Variants in CFAP46 observed in about 807,000 individuals in gnomAD.
CFAP46 encodes cilia and flagella associated protein 46.
Under a neutral mutation model 325.7 loss-of-function variants are expected in CFAP46, and 245 were observed. The observed-to-expected ratio is 0.75, with a 90% CI of 0.68 to 0.84. CFAP46 has a LOEUF of 0.84. Ranked by LOEUF, CFAP46 falls within the 40% of genes least tolerant of loss-of-function variation. The probability of loss-of-function intolerance (pLI) is 0.00; values close to 1 mark genes in which losing one functional copy is unlikely to be tolerated. For missense variants in CFAP46, 3,346 were observed against 3,543.0 expected (o/e 0.94, Z 1.41); for synonymous variants, 1,523 against 1,495.9 (o/e 1.02, Z -0.42).
At chr10:132,895,854 C>T (rs1419568154) in intron 24 of CFAP46, among the ~76,000 whole-genome samples, 3 of 152,298 alleles carry the variant, frequency 2.0e-5, no homozygotes, top group Middle Eastern at 3.4e-3. Context: ...GAAGTTGGTG[C>T]ACTTTAAGAA....
chr10:132,876,761 G>A lies in CFAP46; in HGVS notation c.4362+51C>T. The stretch of plus-strand genomic sequence containing the variant: ...AACTGGACTTGGGGACAGGTCAAGG[G>A]GACACCATGCTGTGACCAAGGTCTT... On this transcript the variant is annotated intron_variant, in intron 31 of 57. Transcript: ENST00000368586. The surrounding 1 kb of genome is among the most constrained non-coding windows in gnomAD (Gnocchi z 4.1). 6.6e-7 allele frequency: 1 copy of A among 1,519,344 alleles called. No homozygotes were observed. Among genetic ancestry groups the A allele is most frequent in the Non-Finnish European group, 8.8e-7 (1 of 1,130,934 alleles). The allele number at this position is 1,519,344 out of a possible 1,614,324, so 94.1% of individuals were successfully genotyped here.
chr10:132,918,620 C>T (rs1003372328), intron 15 of CFAP46, 100 bp from the exon 16 acceptor site: 2 of 1,411,350 alleles, frequency 1.4e-6, no homozygotes, highest in South Asian at 1.5e-5. Flanking sequence ...AGCCTCTCCC[C>T]AGCTCCGTGT....
chr10:132,824,486 CGCTGTGT>C (rs1205091639), intron 50 of CFAP46, among the ~76,000 whole-genome samples: 35 of 66,404 alleles, frequency 5.3e-4, no homozygotes, highest in African/African-American at 7.1e-4. Flanking sequence ...GTGCTGTGTG[CGCTGTGT>C]GCTGTGTGCT....
At chr10:132,844,360 G>A (rs998015315) in intron 44 of CFAP46, among the ~76,000 whole-genome samples, 4 of 152,194 alleles carry the variant, frequency 2.6e-5, no homozygotes, top group Admixed American at 1.3e-4. Context: ...GATGGACGGT[G>A]AGGGTTGACT....
At chr10:132,912,500 T>TCTCTCTCCTCTCCTCTCTCTCTTCAC (rs1849562658) in intron 19 of CFAP46, among the ~76,000 whole-genome samples, 155 bp downstream of exon 19, 2 of 73,338 alleles carry the variant, frequency 2.7e-5, no homozygotes, top group Non-Finnish European at 5.8e-5. Flanking sequence ...CTCTTTCACC[T>TCTCTCTCCTCTCCTCTCTCTCTTCAC]CTCTCTCCTC....
chr10:132,870,711 G>T (rs922346588), intron 32 of CFAP46, among the ~76,000 whole-genome samples: 8 of 152,202 alleles, frequency 5.3e-5, no homozygotes, highest in Non-Finnish European at 8.8e-5. Flanking sequence ...AGTTTGAAGC[G>T]GCAGAGGTGG....
At position 132,941,205 on chromosome 10, in the gene CFAP46, C is replaced by T. The variant is rs529517503; in HGVS notation, c.307-145G>A. 613 of 826,316 alleles carry T rather than the reference C, an allele frequency of 7.4e-4. 3 individuals carry two copies. The highest frequency in any genetic ancestry group is 8.3e-4 in the Non-Finnish European group (415 of 502,212). 51.2% of individuals were successfully genotyped at this position (826,316 alleles called of 1,614,324 possible). A position where few individuals can be genotyped will look rare whatever the true frequency, so the allele number is the denominator to read the frequency against. ...TCCACAGGTGACGGTGTGGCAGACA[C>T]AGCCTGAGTGTCGTGGCGAGGTCCT... On this transcript the variant is annotated intron_variant, in intron 3 of 57. Transcript: ENST00000368586.
intron 40 of CFAP46, among the ~76,000 whole-genome samples, chr10:132,850,773 C>CT (rs112935652): frequency 5.9e-4 from 88 of 149,872 alleles, no homozygotes; most frequent in African/African-American, 1.7e-3. Context: ...ACATATTCAA[C>CT]TTTTTTTTTT....
intron 5 of CFAP46, 73 bp downstream of exon 5, chr10:132,938,516 G>A: frequency 2.1e-5 from 30 of 1,442,780 alleles, no homozygotes; most frequent in Non-Finnish European, 2.9e-5. Context: ...CCCCCCCGGA[G>A]AAGGGGTGGT....
intron 19 of CFAP46, among the ~76,000 whole-genome samples, chr10:132,911,686 A>T (rs1009009735): frequency 1.9e-4 from 29 of 152,174 alleles, no homozygotes; most frequent in African/African-American, 6.8e-4. Context: ...TTCCTTTTGG[A>T]TTACAACAAA....
intron 54 of CFAP46, 82 bp downstream of exon 54, chr10:132,814,070 C>G (rs1450717523): frequency 3.7e-6 from 4 of 1,075,646 alleles, no homozygotes; most frequent in Non-Finnish European, 5.6e-6. Flanking sequence ...ACCCAGGGAG[C>G]CGGGGGTAGG....
At chr10:132,866,880 AC>A (rs1169408146) in intron 34 of CFAP46, among the ~76,000 whole-genome samples, 3 of 152,142 alleles carry the variant, frequency 2.0e-5, no homozygotes, top group Non-Finnish European at 4.4e-5. Context: ...GCTGAGGGAA[AC>A]CCAGGTGGTG....
At chr10:132,818,993 A>G (rs1057427394) in intron 50 of CFAP46, among the ~76,000 whole-genome samples, 2 of 150,964 alleles carry the variant, frequency 1.3e-5, no homozygotes, top group Non-Finnish European at 2.9e-5. Flanking sequence ...GAACTAATAA[A>G]TTAAGTAAAG....
In CFAP46 at chr10:132,942,034, G is replaced by A. The variant is rs573452619; in HGVS notation, c.120C>T (p.Pro40=). The A allele has an allele frequency of 1.3e-6, 2 of 1,551,864 alleles. No homozygotes were observed. The highest frequency in any genetic ancestry group is 2.4e-5 in the East Asian group (1 of 40,920). ...SANLGKSEFD[P]SESFSPDLFV... ...ACAGGTCTGGGCTGAAGCTCTCTGAGGGGTCAAACTCCGATTTCCCTAGGT... is the reference window on the plus strand; with the variant it reads ...ACAGGTCTGGGCTGAAGCTCTCTGAAGGGTCAAACTCCGATTTCCCTAGGT... The change falls in exon 2 of 58, where the codon CCC becomes CCT. Residue 40 remains proline, a synonymous_variant. Transcript: ENST00000368586.
chr10:132,898,779 G>T (rs1207155475), intron 24 of CFAP46, 180 bp downstream of exon 24: 1 of 799,002 alleles, frequency 1.3e-6, no homozygotes. Flanking sequence ...TCCAGCAGGG[G>T]CCCCCGCAGT....
At chr10:132,852,314 C>T (rs80093639) in intron 39 of CFAP46, among the ~76,000 whole-genome samples, 1,175 of 47,200 alleles carry the variant, frequency 0.025, 1 homozygote, top group Middle Eastern at 0.06. Context: ...GTGGTATGTT[C>T]CTCCATTTAC....
intron 35 of CFAP46, among the ~76,000 whole-genome samples, chr10:132,863,688 A>G (rs914183522): frequency 4.1e-5 from 6 of 147,298 alleles, no homozygotes; most frequent in African/African-American, 1.5e-4. Flanking sequence ...TGAGACCTGC[A>G]TGCACACATC....
In CFAP46 at chr10:132,812,765, G is replaced by A. The variant is rs1847606625; in HGVS notation, c.7501+20C>T. 1.3e-6 allele frequency: 2 copies of A among 1,576,740 alleles called. No individual in the cohort carries two copies. The highest frequency in any genetic ancestry group is 2.2e-5 in the East Asian group (1 of 44,696). On this transcript the variant is annotated intron_variant, in intron 55 of 57. Coordinates refer to ENST00000368586, the MANE Select transcript of CFAP46 (RefSeq NM_001200049.3). ...GTCCTGTGCCCGCGGGGGAGGGGGTGCTGAGAGGACACCTCTCACCTTGCA... is the reference window on the plus strand; with the variant it reads ...GTCCTGTGCCCGCGGGGGAGGGGGTACTGAGAGGACACCTCTCACCTTGCA...
chr10:132,879,438 C>T lies in CFAP46; in HGVS notation c.3993G>A (p.Arg1331=). The T allele has an allele frequency of 6.6e-7, 1 of 1,524,618 alleles. No individual in the cohort carries two copies. Among genetic ancestry groups the T allele is most frequent in the Non-Finnish European group, 8.8e-7 (1 of 1,132,522 alleles). The allele number at this position is 1,524,618 out of a possible 1,614,324, so 94.4% of individuals were successfully genotyped here. A position where few individuals can be genotyped will look rare whatever the true frequency, so the allele number is the denominator to read the frequency against. The change falls in exon 29 of 58, where the codon AGG becomes AGA. Residue 1331 remains arginine (R), a synonymous_variant. Transcript: ENST00000368586. ...DCCLAAYAFF[R]HIWQVSLMTA... ...CGCTGGGCCTCACCTGCCAGATGTG[C>T]CTGAAGAAGGCGTAGGCTGCAAGGC... is the stretch of plus-strand genomic sequence containing the variant.
Sources: allele counts gnomAD v4.1 joint callset (sites outside exome capture counted in the v4.1 genomes callset), GRCh38; gene constraint gnomAD v4.1.1; non-coding constraint Gnocchi (gnomAD v3.1); transcripts MANE v1.5; gene names NCBI Gene and HGNC (gene_info 2026-07-23, HGNC 2026-07-21).